The following AKAP13 variants were observed in gnomAD, a reference collection of about 807,000 sequenced individuals.
The protein encoded by AKAP13 is A-kinase anchoring protein 13.
A neutral mutation model predicts 264.5 loss-of-function variants in AKAP13; 80 were observed. The observed-to-expected ratio is 0.30, with a 90% CI of 0.25 to 0.36. The LOEUF (loss-of-function observed/expected upper bound fraction) is 0.36, where lower values mean the gene tolerates loss of function less well. Among genes scored for constraint, AKAP13 ranks in the 10% least tolerant of loss-of-function variants. AKAP13 has a pLI of 1.00. For synonymous variants in AKAP13, 1,380 were observed against 1,250.2 expected (o/e 1.10, Z -2.19); for missense variants, 3,712 against 3,435.2 (o/e 1.08, Z -2.01).
intron 10 of AKAP13, among the ~76,000 whole-genome samples, chr15:85,649,699 T>G (rs1483451850): frequency 6.6e-6 from 1 of 152,236 alleles, no homozygotes; most frequent in Non-Finnish European, 1.5e-5. Context: ...GTGAGTGTTA[T>G]GAGCTTCACG....
At chr15:85,608,573 A>G (rs2080458251) in intron 8 of AKAP13, among the ~76,000 whole-genome samples, 1 of 152,230 alleles carries the variant, frequency 6.6e-6, no homozygotes, top group South Asian at 2.1e-4. Context: ...ATAGTGGTTC[A>G]AAGGAGAGCG....
In AKAP13 at chr15:85,579,363, T is replaced by C. The variant is rs1272355446; in HGVS notation, c.1295T>C (p.Met432Thr). ...GAAACTGGAACAAAATCTTCTGGAA[T>C]GCCCACAGACCAGGAGTCCCTGAGC... ...NEETGTKSSG[M>T]PTDQESLSSG... Residue 432 changes from methionine to threonine, a missense_variant, in exon 7 of 37, where the codon ATG (methionine) becomes ACG (threonine). Physicochemically the swap from Met to Thr is moderately conservative, Grantham distance 81. Transcript: ENST00000394518. The C allele has an allele frequency of 6.2e-7, 1 of 1,614,110 alleles. No individual in the cohort carries two copies. Among genetic ancestry groups the C allele is most frequent in the Admixed American group, 1.7e-5 (1 of 60,006 alleles).
At chr15:85,712,391 C>A (rs933128721) in intron 19 of AKAP13, among the ~76,000 whole-genome samples, 1 of 152,190 alleles carries the variant, frequency 6.6e-6, no homozygotes, top group Admixed American at 6.5e-5. Flanking sequence ...ATTCCACATA[C>A]TTTTTATGTC....
chr15:85,496,483 T>C (rs954292510), intron 2 of AKAP13, among the ~76,000 whole-genome samples: 1 of 152,194 alleles, frequency 6.6e-6, no homozygotes, highest in African/African-American at 2.4e-5. Flanking sequence ...GTTAAAAAAA[T>C]TTATTCCTGA....
chr15:85,720,260 C>CTG lies in AKAP13; in HGVS notation c.6252+964_6252+965dup, dbSNP rs71141479. Among the ~76,000 whole-genome samples the CTG allele has an allele frequency of 4.8e-3, 720 of 150,754 alleles. 9 individuals are homozygous for CTG. Among genetic ancestry groups the CTG allele is most frequent in the African/African-American group, 0.013 (549 of 40,956 alleles). ...CCAGCTCAACATTTAAAAACAAACT[C>CTG]TGTGTGTGTGTGTGTGTGTGTGTGT... On this transcript the variant is annotated intron_variant, in intron 23 of 36. Transcript: ENST00000394518.
intron 2 of AKAP13, 147 bp from the exon 3 acceptor site, chr15:85,521,281 C>T: frequency 1.1e-6 from 1 of 906,502 alleles, no homozygotes; most frequent in Non-Finnish European, 1.7e-6. Flanking sequence ...TATAAGTGCT[C>T]AATCTTTATA....
At chr15:85,738,904 T>C (rs1351639651) in intron 33 of AKAP13, among the ~76,000 whole-genome samples, 1 of 146,764 alleles carries the variant, frequency 6.8e-6, no homozygotes, top group African/African-American at 2.5e-5. Context: ...CTACATAACA[T>C]ATCCGAGTTG....
At chr15:85,694,453 TC>T in intron 17 of AKAP13, among the ~76,000 whole-genome samples, 1 of 152,264 alleles carries the variant, frequency 6.6e-6, no homozygotes, top group Non-Finnish European at 1.5e-5. Context: ...TGAGTGTGAT[TC>T]CAATAAAACT....
chr15:85,646,567 A>T (rs2082569968), intron 10 of AKAP13, among the ~76,000 whole-genome samples: 1 of 152,378 alleles, frequency 6.6e-6, no homozygotes, highest in East Asian at 1.9e-4. Flanking sequence ...AAGTCAGATG[A>T]CAGTGAACAC....
At chr15:85,632,869 A>C (rs2081903863) in intron 8 of AKAP13, among the ~76,000 whole-genome samples, 1 of 29,326 alleles carries the variant, frequency 3.4e-5, no homozygotes, top group Non-Finnish European at 6.0e-5. Context: ...CTAAGAAATA[A>C]AATTTTTTTT....
intron 1 of AKAP13, among the ~76,000 whole-genome samples, chr15:85,480,628 G>T (rs561580622): frequency 1.3e-5 from 2 of 151,764 alleles, no homozygotes; most frequent in Non-Finnish European, 2.9e-5. Context: ...GGGTGGGGGG[G>T]TTAAGCTGAA....
intron 14 of AKAP13, among the ~76,000 whole-genome samples, chr15:85,675,050 G>A (rs1009396547): frequency 6.6e-6 from 1 of 152,004 alleles, no homozygotes; most frequent in Non-Finnish European, 1.5e-5. Context: ...AAATTGAATT[G>A]CTCTGTTACC....
chr15:85,407,260 C>T (rs1245082578), intron 1 of AKAP13, among the ~76,000 whole-genome samples: 8 of 145,478 alleles, frequency 5.5e-5, no homozygotes, highest in Admixed American at 5.4e-4. Flanking sequence ...CGGAGTCTTG[C>T]TCTGTCACCC....
chr15:85,562,291 G>C (rs1384490285), intron 5 of AKAP13, among the ~76,000 whole-genome samples: 1 of 152,028 alleles, frequency 6.6e-6, no homozygotes, highest in East Asian at 1.9e-4. Flanking sequence ...TCGGCCGGGC[G>C]TGGTGGCTCA....
intron 2 of AKAP13, among the ~76,000 whole-genome samples, chr15:85,496,851 C>G (rs999304006): frequency 3.3e-5 from 5 of 152,228 alleles, no homozygotes; most frequent in African/African-American, 9.6e-5. Flanking sequence ...ATAAGGAAAT[C>G]AAGGGTTCCT....
intron 1 of AKAP13, among the ~76,000 whole-genome samples, chr15:85,467,005 A>C (rs1468072847): frequency 6.6e-6 from 1 of 151,478 alleles, no homozygotes; most frequent in Non-Finnish European, 1.5e-5. Flanking sequence ...TAGGTTTGTT[A>C]AGTAAATAGT....
intron 10 of AKAP13, among the ~76,000 whole-genome samples, chr15:85,654,768 G>A (rs999668717): frequency 7.7e-4 from 117 of 152,110 alleles, no homozygotes; most frequent in African/African-American, 2.7e-3. Context: ...AGGCTGCAGT[G>A]AGCCATAATT....
At chr15:85,553,084 C>CTTTT (rs10693195) in intron 5 of AKAP13, among the ~76,000 whole-genome samples, 1,383 of 120,360 alleles carry the variant, frequency 0.011, 45 homozygotes, top group East Asian at 0.027. Context: ...ATCTGTAATT[C>CTTTT]TTTTTTTTTT....
intron 1 of AKAP13, among the ~76,000 whole-genome samples, chr15:85,430,443 A>G (rs992999526): frequency 1.4e-4 from 21 of 152,198 alleles, no homozygotes; most frequent in Admixed American, 1.1e-3. Context: ...TTTCTCTTCA[A>G]TTGTAGAGAG....
Sources: allele counts gnomAD v4.1 joint callset (sites outside exome capture counted in the v4.1 genomes callset), GRCh38; gene constraint gnomAD v4.1.1; transcripts MANE v1.5; gene names NCBI Gene and HGNC (gene_info 2026-07-23, HGNC 2026-07-21).